Variants in PTPRM observed in about 807,000 individuals in gnomAD.
PTPRM encodes the protein receptor-type tyrosine-protein phosphatase mu.
In PTPRM, 47 loss-of-function variants were observed where a neutral mutation model predicts 186.7. The observed-to-expected ratio is 0.25, with a 90% CI of 0.20 to 0.32. The LOEUF (loss-of-function observed/expected upper bound fraction) is 0.32, where lower values mean the gene tolerates loss of function less well. PTPRM is among the 10% of genes least tolerant of loss of function. The probability of loss-of-function intolerance (pLI) is 1.00; values close to 1 mark genes in which losing one functional copy is unlikely to be tolerated. For missense variants in PTPRM, 1,494 were observed against 1,865.0 expected, an observed-to-expected ratio of 0.80 and a Z score of 3.66; for synonymous variants, 668 against 674.9, an observed-to-expected ratio of 0.99 and a Z score of 0.16.
intron 2 of PTPRM, among the ~76,000 whole-genome samples, chr18:7,779,253 A>G (rs989853315): frequency 6.6e-6 from 1 of 152,246 alleles, no homozygotes; most frequent in South Asian, 2.1e-4. Flanking sequence ...TTGGGAAAAC[A>G]TAATTCTCTT....
chr18:7,941,627 A>G (rs2052181729), intron 5 of PTPRM, among the ~76,000 whole-genome samples: 1 of 152,256 alleles, frequency 6.6e-6, no homozygotes, highest in Admixed American at 6.5e-5. Context: ...TATCAAAGGC[A>G]GGAATAAACT....
At chr18:7,721,175 G>T (rs1288239133) in intron 1 of PTPRM, among the ~76,000 whole-genome samples, 6 of 151,388 alleles carry the variant, frequency 4.0e-5, no homozygotes, top group Non-Finnish European at 7.4e-5. Flanking sequence ...ATTCCAGTGG[G>T]CATGAGGTGA....
At chr18:8,055,873 C>T (rs1335017182) in intron 7 of PTPRM, among the ~76,000 whole-genome samples, 1 of 152,130 alleles carries the variant, frequency 6.6e-6, no homozygotes, top group Admixed American at 6.5e-5. Context: ...ATTTGGCTTC[C>T]CTGCCCCTGG....
At chr18:8,040,193 G>A (rs1417489168) in intron 7 of PTPRM, among the ~76,000 whole-genome samples, 1 of 152,122 alleles carries the variant, frequency 6.6e-6, no homozygotes, top group African/African-American at 2.4e-5. Flanking sequence ...GTTCTGGCTG[G>A]CATGCTTTCT....
chr18:7,729,730 C>T (rs1490892224), intron 1 of PTPRM, among the ~76,000 whole-genome samples: 2 of 152,060 alleles, frequency 1.3e-5, no homozygotes, highest in Admixed American at 6.6e-5. Flanking sequence ...TTTATTACTT[C>T]AGTTATTATC....
chr18:7,840,089 G>T (rs994650965), intron 2 of PTPRM, among the ~76,000 whole-genome samples: 6 of 133,892 alleles, frequency 4.5e-5, no homozygotes, highest in African/African-American at 1.5e-4. Context: ...GGTGGAGGTG[G>T]GGGGGGAGGG....
intron 7 of PTPRM, among the ~76,000 whole-genome samples, chr18:8,049,087 A>G (rs1037936091): frequency 3.9e-5 from 6 of 152,230 alleles, no homozygotes; most frequent in African/African-American, 1.2e-4. Flanking sequence ...TGTTTTATAT[A>G]GTCTGAAATA....
intron 14 of PTPRM, among the ~76,000 whole-genome samples, chr18:8,195,303 C>T (rs1037944017): frequency 2.0e-5 from 3 of 151,918 alleles, no homozygotes; most frequent in Admixed American, 1.3e-4. Context: ...ATAAGGTGAA[C>T]CCAGTGATGG....
chr18:7,895,269 C>T (rs1428440588), intron 3 of PTPRM, among the ~76,000 whole-genome samples: 2 of 152,074 alleles, frequency 1.3e-5, no homozygotes, highest in Admixed American at 6.6e-5. Context: ...TCTTAAGAAG[C>T]GGTGGCAGTT....
At chr18:7,891,608 T>C (rs1374885364) in intron 3 of PTPRM, among the ~76,000 whole-genome samples, 1 of 152,120 alleles carries the variant, frequency 6.6e-6, no homozygotes. Context: ...GGCTCGTGCC[T>C]TTAGTCCTAG....
In PTPRM at chr18:8,231,026, A is replaced by G. The variant is rs2094280066; in HGVS notation, c.2301-13032A>G. 2.0e-5 allele frequency among the ~76,000 whole-genome samples: 3 copies of G among 152,244 alleles called. No homozygotes were observed. The South Asian group carries it at 6.2e-4, about 32-fold the overall frequency. ...AAGCACACACGTAATTGTAGATGCC[A>G]GGACCAAAGAGCCATTTACCCTTTC... On this transcript the variant is annotated intron_variant, in intron 14 of 32. Transcript: ENST00000580170.
rs1338376456 is a variant in PTPRM at position 8,376,119 on chromosome 18, A to G, written c.3245A>G (p.His1082Arg). The G allele has an allele frequency of 6.2e-7, 1 of 1,613,962 alleles. No homozygotes were observed. The highest frequency in any genetic ancestry group is 1.3e-5 in the African/African-American group (1 of 74,928). Reference sequence around the variant, plus strand: ...TGGCCGGATCATGGGGTCCCCTACCATGCCACCGGCCTGCTGGGATTCGTG... The same window carrying G: ...TGGCCGGATCATGGGGTCCCCTACCGTGCCACCGGCCTGCTGGGATTCGTG... Reference protein sequence around the residue: ...TGWPDHGVPYHATGLLGFVRQ... With the variant: ...TGWPDHGVPYRATGLLGFVRQ... Residue 1082 changes from histidine to arginine, a missense_variant, in exon 25 of 33, where the codon CAT (histidine) becomes CGT (arginine). Physicochemically the swap from His to Arg is conservative, Grantham distance 29. Transcript: ENST00000580170.
At chr18:8,110,103 C>G (rs1215571098) in intron 11 of PTPRM, among the ~76,000 whole-genome samples, 28 of 152,110 alleles carry the variant, frequency 1.8e-4, no homozygotes, top group Non-Finnish European at 1.5e-5. Context: ...ACCCCCAAAC[C>G]AAATAGAAGC....
At chr18:8,325,824 A>G (rs2095372498) in intron 22 of PTPRM, among the ~76,000 whole-genome samples, 1 of 152,170 alleles carries the variant, frequency 6.6e-6, no homozygotes, top group Non-Finnish European at 1.5e-5. Flanking sequence ...CATCTTCTCC[A>G]CAACCTCTCC....
chr18:8,036,601 A>G (rs1165746793), intron 7 of PTPRM, among the ~76,000 whole-genome samples: 1 of 152,182 alleles, frequency 6.6e-6, no homozygotes, highest in Non-Finnish European at 1.5e-5. Context: ...ACAGAATGTA[A>G]TGTGTGGGCA....
chr18:8,320,672 T>C (rs1040086063), intron 22 of PTPRM, among the ~76,000 whole-genome samples: 1 of 152,190 alleles, frequency 6.6e-6, no homozygotes, highest in Admixed American at 6.5e-5. Context: ...CTGTGGAAAC[T>C]GATCCTGCCC....
At chr18:7,918,078 TTGTGTGTG>T (rs35838540) in intron 4 of PTPRM, among the ~76,000 whole-genome samples, 3,613 of 148,092 alleles carry the variant, frequency 0.024, 52 homozygotes, top group African/African-American at 0.042. Flanking sequence ...TCTTGTGTGT[TTGTGTGTG>T]TGTGTGTGTG....
At chr18:8,066,429 C>T (rs2089083887) in intron 7 of PTPRM, among the ~76,000 whole-genome samples, 1 of 152,174 alleles carries the variant, frequency 6.6e-6, no homozygotes, top group Admixed American at 6.5e-5. Flanking sequence ...CTGAAGTGGA[C>T]CATGTCCCTG....
chr18:8,384,689 A>G lies in PTPRM; in HGVS notation c.4044+3A>G. On this transcript the variant is annotated splice_donor_region_variant and intron_variant, in intron 30 of 32. Coordinates refer to ENST00000580170, the MANE Select transcript of PTPRM (RefSeq NM_001105244.2). ...TCCGCATTTACAATGCCGCCAGAGT[A>G]AGAGACGGGCCTGTCATGCCTGTGA... 2 of 1,614,080 alleles carry G rather than the reference A, an allele frequency of 1.2e-6. No homozygotes were observed. Among genetic ancestry groups the G allele is most frequent in the Middle Eastern group, 1.6e-4 (1 of 6,062 alleles).
Sources: allele counts gnomAD v4.1 joint callset (sites outside exome capture counted in the v4.1 genomes callset), GRCh38; gene constraint gnomAD v4.1.1; transcripts MANE v1.5; gene names NCBI Gene and HGNC (gene_info 2026-07-23, HGNC 2026-07-21).